GALNTL6: variants seen among roughly 807,000 people sequenced by gnomAD.
GALNTL6 encodes polypeptide N-acetylgalactosaminyltransferase like 6, also known as polypeptide N-acetylgalactosaminyltransferase-like 6.
Under a neutral mutation model 73.7 loss-of-function variants are expected in GALNTL6, and 46 were observed. The observed-to-expected ratio is 0.62, with a 90% confidence interval of 0.49 to 0.80. The LOEUF (loss-of-function observed/expected upper bound fraction) is 0.80. GALNTL6 is among the 30% of genes least tolerant of loss of function. GALNTL6 has a pLI of 0.00. For synonymous variants in GALNTL6, 259 were observed against 263.7 expected, an observed-to-expected ratio of 0.98 and a Z score of 0.17; for missense variants, 604 against 755.0, an observed-to-expected ratio of 0.80 and a Z score of 2.34.
At chr4:172,024,501 C>T (rs991789997) in intron 2 of GALNTL6, among the ~76,000 whole-genome samples, 2 of 151,770 alleles carry the variant, frequency 1.3e-5, no homozygotes, top group African/African-American at 2.4e-5. Context: ...TACATTTTGC[C>T]TATTTAAGGA....
chr4:171,883,559 G>A (rs1736519330), intron 2 of GALNTL6, among the ~76,000 whole-genome samples: 1 of 151,918 alleles, frequency 6.6e-6, no homozygotes, highest in Admixed American at 6.6e-5. Flanking sequence ...ATATTATTTT[G>A]ACGTCAGTTC....
At chr4:172,729,694 A>G (rs10213357) in intron 5 of GALNTL6, among the ~76,000 whole-genome samples, 54,598 of 152,022 alleles carry the variant, frequency 0.36, 10,852 homozygotes, top group African/African-American at 0.52. Context: ...TTAATTTTGC[A>G]CAGGATTGCT....
chr4:172,774,224 G>A (rs10000589), intron 5 of GALNTL6, among the ~76,000 whole-genome samples: 78,923 of 152,070 alleles, frequency 0.52, 21,341 homozygotes, highest in East Asian at 0.78. Flanking sequence ...ACATATGAAT[G>A]AGGTGGTTTT....
At chr4:172,366,913 C>A (rs1007858623) in intron 5 of GALNTL6, among the ~76,000 whole-genome samples, 2 of 152,152 alleles carry the variant, frequency 1.3e-5, no homozygotes, top group African/African-American at 4.8e-5. Flanking sequence ...CAGTTAAGCA[C>A]AAAATTACTG....
chr4:172,545,895 T>C (rs1261508091), intron 5 of GALNTL6: 2 of 152,168 alleles, frequency 1.3e-5, no homozygotes, highest in African/African-American at 4.8e-5. Flanking sequence ...GGCAAAAGAA[T>C]GAGACAAGAT....
At chr4:172,693,511 G>T (rs1733449543) in intron 5 of GALNTL6, among the ~76,000 whole-genome samples, 1 of 152,158 alleles carries the variant, frequency 6.6e-6, no homozygotes. Context: ...ATTTTAGAGA[G>T]TGATCTTTTT....
rs1486332846 is a variant in GALNTL6, at chr4:172,013,546, T to G, written c.138+198828T>G. ...AATGTTTATATATTTCACATTTCTC[T>G]TTTTAAAATCTTTTCTTTTTAATTT... is the stretch of plus-strand genomic sequence containing the variant. On this transcript the variant is annotated intron_variant, in intron 2 of 12. Transcript: ENST00000506823. Among the ~76,000 whole-genome samples the G allele has an allele frequency of 2.0e-5, 3 of 152,094 alleles. 1 individual carries two copies. Among genetic ancestry groups the G allele is most frequent in the Admixed American group, 2.0e-4 (3 of 15,244 alleles).
intron 5 of GALNTL6, among the ~76,000 whole-genome samples, chr4:172,426,393 A>T (rs139691472): frequency 4.2e-4 from 64 of 152,282 alleles, no homozygotes; most frequent in African/African-American, 1.5e-3. Context: ...GCTCTGGCCA[A>T]GAACATTTAA....
intron 5 of GALNTL6, among the ~76,000 whole-genome samples, chr4:172,751,227 A>G (rs1460031394): frequency 6.6e-6 from 1 of 152,222 alleles, no homozygotes; most frequent in African/African-American, 2.4e-5. Flanking sequence ...ACACTTTTCA[A>G]AGGCTGTTGA....
intron 2 of GALNTL6, among the ~76,000 whole-genome samples, chr4:172,056,871 C>T (rs1181280801): frequency 1.3e-5 from 2 of 151,800 alleles, no homozygotes; most frequent in Admixed American, 6.6e-5. Flanking sequence ...TGAATATCCT[C>T]CTAGTTGATA....
At chr4:172,380,325 C>T in intron 5 of GALNTL6, 4 of 729,392 alleles carry the variant, frequency 5.5e-6, no homozygotes, top group Non-Finnish European at 7.7e-6. Flanking sequence ...AGAAATAGTC[C>T]AAGTTTAAAA....
chr4:172,069,428 C>T lies in GALNTL6; in HGVS notation c.139-160228C>T, dbSNP rs1179121731. Among the ~76,000 whole-genome samples, 6 of 87,994 alleles carry T rather than the reference C, an allele frequency of 6.8e-5. 2 individuals carry two copies. The highest frequency in any genetic ancestry group is 1.2e-4 in the Non-Finnish European group (5 of 42,432). 57.7% of individuals were successfully genotyped at this position (87,994 alleles called of 152,430 possible). ...TAACACATATATGTTATATATAACA[C>T]ACATATAACATATATATGTAATATA... On this transcript the variant is annotated intron_variant, in intron 2 of 12. Transcript: ENST00000506823.
intron 5 of GALNTL6, among the ~76,000 whole-genome samples, chr4:172,766,543 G>C (rs546773391): frequency 6.6e-6 from 1 of 152,082 alleles, no homozygotes; most frequent in Non-Finnish European, 1.5e-5. Flanking sequence ...AAATGTCCAA[G>C]TAAGGCAACA....
chr4:172,113,689 C>A (rs944531531), intron 2 of GALNTL6, among the ~76,000 whole-genome samples: 1 of 151,974 alleles, frequency 6.6e-6, no homozygotes, highest in Non-Finnish European at 1.5e-5. Context: ...TAATGATATA[C>A]ATATTTTTGC....
chr4:171,987,059 T>A (rs1021885420), intron 2 of GALNTL6, among the ~76,000 whole-genome samples: 1 of 152,128 alleles, frequency 6.6e-6, no homozygotes, highest in South Asian at 2.1e-4. Context: ...CAGTCTAAGT[T>A]GTTCTGGTGT....
intron 5 of GALNTL6, among the ~76,000 whole-genome samples, chr4:172,417,369 A>G (rs1015245763): frequency 6.6e-6 from 1 of 152,136 alleles, no homozygotes; most frequent in Admixed American, 6.6e-5. Flanking sequence ...GACCCTGGCT[A>G]AATATCTTTT....
At chr4:172,769,100 T>G (rs953358048) in intron 5 of GALNTL6, among the ~76,000 whole-genome samples, 1 of 152,070 alleles carries the variant, frequency 6.6e-6, no homozygotes, top group Non-Finnish European at 1.5e-5. Context: ...TATAAGTATT[T>G]TCATGCAAAT....
intron 11 of GALNTL6, among the ~76,000 whole-genome samples, chr4:173,014,147 T>C (rs909740311): frequency 6.6e-6 from 1 of 152,218 alleles, no homozygotes; most frequent in African/African-American, 2.4e-5. Flanking sequence ...AAATGCCTTC[T>C]GCTGCAGAAC....
At chr4:172,626,521 G>T (rs1405745513) in intron 5 of GALNTL6, among the ~76,000 whole-genome samples, 1 of 152,034 alleles carries the variant, frequency 6.6e-6, no homozygotes, top group Non-Finnish European at 1.5e-5. Context: ...ATGAATTTTA[G>T]AATAGTTTTT....
Sources: allele counts gnomAD v4.1 joint callset (sites outside exome capture counted in the v4.1 genomes callset), GRCh38; gene constraint gnomAD v4.1.1; transcripts MANE v1.5; gene names NCBI Gene and HGNC (gene_info 2026-07-23, HGNC 2026-07-21).